The following KLHL18 variants were observed in gnomAD, a reference collection of about 807,000 sequenced individuals.
KLHL18 encodes kelch like family member 18, also known as kelch-like protein 18.
In KLHL18, 38 loss-of-function variants were observed where a neutral mutation model predicts 58.5. That is an observed-to-expected ratio of 0.65 (90% CI 0.50 to 0.85). The LOEUF is 0.85. KLHL18 is among the 40% of genes least tolerant of loss of function. The pLI is 0.00. For synonymous variants in KLHL18, 303 were observed against 301.9 expected (o/e 1.00, Z -0.04); for missense variants, 624 against 778.4 (o/e 0.80, Z 2.36).
intron 1 of KLHL18, among the ~76,000 whole-genome samples, chr3:47,316,653 A>G (rs547395729): frequency 2.1e-5 from 3 of 141,690 alleles, no homozygotes; most frequent in South Asian, 2.1e-4. Flanking sequence ...ATGTGTGTGT[A>G]TATATACATA....
intron 2 of KLHL18, among the ~76,000 whole-genome samples, chr3:47,320,968 G>A (rs772166599): frequency 1.3e-5 from 2 of 152,196 alleles, no homozygotes; most frequent in Non-Finnish European, 2.9e-5. Flanking sequence ...AGACGTAGAA[G>A]TAAGGTGTCC....
chr3:47,336,704 C>A lies in KLHL18; in HGVS notation c.1068C>A (p.Tyr356Ter). 1 of 1,614,224 alleles carries A rather than the reference C, an allele frequency of 6.2e-7. No individual in the cohort carries two copies. Among genetic ancestry groups the A allele is most frequent in the East Asian group, 2.2e-5 (1 of 44,890 alleles). Reference protein sequence around the residue: ...GQLRLSTVEAYNPETDTWTRV... With the variant: ...GQLRLSTVEA ...TACGGCTGAGCACTGTGGAGGCCTA[C>A]AACCCGGAGACAGACACATGGACCA... The change falls in exon 7 of 10, where the codon TAC (tyrosine) becomes TAA (stop). Residue 356 changes from tyrosine (Y) to a stop codon, truncating the protein, a stop_gained. Coordinates refer to ENST00000232766, the MANE Select transcript of KLHL18 (RefSeq NM_025010.5). LOFTEE classifies it high-confidence loss of function.
intron 3 of KLHL18, among the ~76,000 whole-genome samples, chr3:47,327,823 A>G (rs779330723): frequency 6.6e-6 from 1 of 152,226 alleles, no homozygotes; most frequent in Non-Finnish European, 1.5e-5. Flanking sequence ...TGATGGGTCA[A>G]CTGCTAGGGG....
intron 3 of KLHL18, among the ~76,000 whole-genome samples, chr3:47,326,890 C>T (rs896103015): frequency 6.7e-6 from 1 of 149,234 alleles, no homozygotes; most frequent in African/African-American, 2.5e-5. Context: ...CATTGCACTC[C>T]AGCCTGGGCA....
intron 4 of KLHL18, among the ~76,000 whole-genome samples, chr3:47,330,918 G>C (rs1028448031): frequency 2.0e-5 from 3 of 151,874 alleles, no homozygotes; most frequent in Non-Finnish European, 4.4e-5. Flanking sequence ...TTTCAGTAGA[G>C]ACGGGGTTTC....
chr3:47,339,490 C>CAAAAA (rs535713738), intron 7 of KLHL18, among the ~76,000 whole-genome samples: 1 of 69,226 alleles, frequency 1.4e-5, no homozygotes, highest in Non-Finnish European at 3.0e-5. Context: ...GACCTCATCT[C>CAAAAA]AAAAAAAAAA....
At position 47,342,783 on chromosome 3, in the gene KLHL18, A is replaced by G; in HGVS notation, c.1291A>G (p.Arg431Gly). ...SAAGVTVFEG[R>G]IYVSGGHDGL... The stretch of plus-strand genomic sequence containing the variant: ...TGCTGGGGTTACAGTCTTTGAGGGC[A>G]GGATATATGTGTCAGGCGGCCATGA... Residue 431 changes from arginine to glycine, a missense_variant, in exon 9 of 10, where the codon AGG becomes GGG. Physicochemically the swap from Arg to Gly is moderately radical, Grantham distance 125. Transcript: ENST00000232766. The G allele has an allele frequency of 1.2e-6, 2 of 1,614,216 alleles. No homozygotes were observed. Among genetic ancestry groups the G allele is most frequent in the Non-Finnish European group, 1.7e-6 (2 of 1,180,018 alleles).
rs768873826 is a variant in KLHL18 at position 47,297,603 on chromosome 3, C to T, written c.129+14509C>T. On this transcript the variant is annotated intron_variant, in intron 1 of 9. Transcript: ENST00000232766. ...ATGAGATGAGAAGGTCATGCTTTTC[C>T]ACCTTTGAGCTCCCACTTTGACCAG... The T allele has an allele frequency of 7.9e-5, 36 of 456,552 alleles. No individual in the cohort carries two copies. In the Admixed American group the frequency reaches 8.2e-4, roughly 10 times the overall value. The allele number at this position is 456,552 out of a possible 1,614,324, so 28.3% of individuals were successfully genotyped here. A position where few individuals can be genotyped will look rare whatever the true frequency, so the allele number is the denominator to read the frequency against.
At chr3:47,291,000 C>T (rs556057969) in intron 1 of KLHL18, among the ~76,000 whole-genome samples, 1 of 152,302 alleles carries the variant, frequency 6.6e-6, no homozygotes, top group South Asian at 2.1e-4. Flanking sequence ...CTATCCGTTA[C>T]CAGTCAAGCA....
intron 1 of KLHL18, among the ~76,000 whole-genome samples, chr3:47,316,861 C>G (rs1429487921): frequency 6.6e-6 from 1 of 150,986 alleles, no homozygotes; most frequent in East Asian, 1.9e-4. Flanking sequence ...ATAGTCTCAA[C>G]TACTCAGGAG....
At chr3:47,294,827 A>C (rs1702862261) in intron 1 of KLHL18, among the ~76,000 whole-genome samples, 1 of 152,242 alleles carries the variant, frequency 6.6e-6, no homozygotes, top group Non-Finnish European at 1.5e-5. Context: ...TGAAGACAGC[A>C]CTGCGTTTTG....
At chr3:47,283,299 TG>T in intron 1 of KLHL18, 1 of 599,012 alleles carries the variant, frequency 1.7e-6, no homozygotes, top group South Asian at 2.1e-5. Flanking sequence ...TTTCAGCCCT[TG>T]AAAGGAAAGG....
chr3:47,328,515 C>A (rs2107644105), intron 3 of KLHL18, among the ~76,000 whole-genome samples: 1 of 152,192 alleles, frequency 6.6e-6, no homozygotes, highest in South Asian at 2.1e-4. Context: ...AAGAACATAA[C>A]CCACCCAAGT....
intron 1 of KLHL18, among the ~76,000 whole-genome samples, chr3:47,316,540 C>CATATATACATATATATGTAT (rs1559495571): frequency 0.058 from 176 of 3,056 alleles, 15 homozygotes; most frequent in Admixed American, 0.084. Flanking sequence ...TATATATATA[C>CATATATACATATATATGTAT]ATATATACAT....
intron 1 of KLHL18, among the ~76,000 whole-genome samples, chr3:47,288,252 C>A (rs1702719806): frequency 6.6e-6 from 1 of 150,392 alleles, no homozygotes; most frequent in Non-Finnish European, 1.5e-5. Flanking sequence ...AAAGACTTTG[C>A]CAACCACTGC....
chr3:47,309,509 T>G (rs1703239736), intron 1 of KLHL18, among the ~76,000 whole-genome samples: 1 of 143,258 alleles, frequency 7.0e-6, no homozygotes, highest in Admixed American at 6.9e-5. Flanking sequence ...GCTCCTCACT[T>G]CCCAGACTGG....
chr3:47,314,498 T>G (rs1243015711), intron 1 of KLHL18, among the ~76,000 whole-genome samples: 3 of 151,724 alleles, frequency 2.0e-5, no homozygotes, highest in Non-Finnish European at 4.4e-5. Context: ...TGTCTTTTTT[T>G]TTTTCTTCCT....
chr3:47,298,436 G>A (rs1290838534), intron 1 of KLHL18, among the ~76,000 whole-genome samples: 1 of 151,780 alleles, frequency 6.6e-6, no homozygotes, highest in African/African-American at 2.4e-5. Flanking sequence ...CCTAAAATGG[G>A]GACTGACATG....
Position 47,324,298 on chromosome 3 carries a change from C to CT in KLHL18, c.401+1616dup, listed in dbSNP as rs769288621. ...CTTCCTTTTTTCTTTTTCTTTCTTTCTTTTTTTTTTTTTTTTTTTTTTTTT... is the reference window on the plus strand; with the variant it reads ...CTTCCTTTTTTCTTTTTCTTTCTTTCTTTTTTTTTTTTTTTTTTTTTTTTTT... On this transcript the variant is annotated intron_variant, in intron 3 of 9. Transcript: ENST00000232766. Among the ~76,000 whole-genome samples, 128 of 37,464 alleles carry CT rather than the reference C, an allele frequency of 3.4e-3. 20 individuals are homozygous for CT. Among genetic ancestry groups the CT allele is most frequent in the Admixed American group, 6.9e-3 (13 of 1,886 alleles). The allele number at this position is 37,464 out of a possible 152,430, so 24.6% of individuals were successfully genotyped here.
Sources: allele counts gnomAD v4.1 joint callset (sites outside exome capture counted in the v4.1 genomes callset), GRCh38; gene constraint gnomAD v4.1.1; transcripts MANE v1.5; gene names NCBI Gene and HGNC (gene_info 2026-07-23, HGNC 2026-07-21).